Variants in LYST observed in about 807,000 individuals in gnomAD.
LYST encodes lysosomal trafficking regulator.
In LYST, 192 loss-of-function variants were observed where a neutral mutation model predicts 413.6. The observed-to-expected ratio is 0.46, with a 90% CI of 0.41 to 0.52. LYST has a LOEUF of 0.52. Ranked by LOEUF, LYST falls within the 20% of genes least tolerant of loss-of-function variation. The pLI is 0.00. For synonymous variants in LYST, 1,525 were observed against 1,567.3 expected (o/e 0.97, Z 0.64); for missense variants, 3,815 against 4,499.9 (o/e 0.85, Z 4.35).
At chr1:235,833,697 T>C (rs549789731) in intron 1 of LYST, 30 bp from the exon 2 acceptor site, 1 of 451,996 alleles carries the variant, frequency 2.2e-6, no homozygotes, top group African/African-American at 2.1e-5. Context: ...TTAATCACAA[T>C]AGTAAACCAC....
chr1:235,692,308 G>T (rs1660723334), intron 47 of LYST, among the ~76,000 whole-genome samples: 1 of 151,820 alleles, frequency 6.6e-6, no homozygotes, highest in Admixed American at 6.5e-5. Flanking sequence ...ACTCCAGCCT[G>T]GGCGATGGAG....
intron 50 of LYST, among the ~76,000 whole-genome samples, chr1:235,673,245 T>A (rs1659098142): frequency 6.6e-6 from 1 of 152,066 alleles, no homozygotes. Flanking sequence ...CTCTTTCCCT[T>A]AACCACCCCC....
chr1:235,828,501 T>C (rs1259189505), intron 3 of LYST, among the ~76,000 whole-genome samples: 3 of 152,192 alleles, frequency 2.0e-5, no homozygotes, highest in African/African-American at 4.8e-5. Flanking sequence ...TTGGGATCTA[T>C]AGATTTGGAG....
intron 3 of LYST, among the ~76,000 whole-genome samples, chr1:235,822,008 G>A (rs955258245): frequency 1.3e-5 from 2 of 152,214 alleles, no homozygotes; most frequent in Non-Finnish European, 2.9e-5. Flanking sequence ...TATTATAGAT[G>A]TGGCTTTTGA....
intron 24 of LYST, among the ~76,000 whole-genome samples, chr1:235,755,872 T>A (rs1487895384): frequency 2.0e-5 from 3 of 152,142 alleles, no homozygotes; most frequent in African/African-American, 7.2e-5. Flanking sequence ...GTTTCTCTCA[T>A]GGGGAAACTG....
At chr1:235,788,919 A>C (rs186924894) in intron 12 of LYST, 74 bp from the exon 13 acceptor site, 9 of 1,399,346 alleles carry the variant, frequency 6.4e-6, no homozygotes. Context: ...ATTTAGAAGA[A>C]TACAAAGCAA....
chr1:235,663,140 G>A, intron 52 of LYST, 62 bp from the exon 53 acceptor site: 2 of 1,153,176 alleles, frequency 1.7e-6, no homozygotes, highest in South Asian at 2.5e-5. Context: ...TTAGCATATT[G>A]GTCATCATAC....
At chr1:235,788,624 A>G in intron 13 of LYST, 77 bp downstream of exon 13, 1 of 1,391,684 alleles carries the variant, frequency 7.2e-7, no homozygotes. Context: ...TTTTATTAGT[A>G]GATTTCACAT....
rs551872884 is a variant in LYST at position 235,663,484 on chromosome 1, G to A, written c.11268-406C>T. ...GGCTATATATTATTTCCCTAAAAGA[G>A]AAAAGGAAAAAAATGTAACATTAGT... On this transcript the variant is annotated intron_variant, in intron 52 of 52. Transcript: ENST00000389793. Among the ~76,000 whole-genome samples the A allele has an allele frequency of 1.3e-3, 192 of 151,882 alleles. No individual in the cohort carries two copies. The Middle Eastern group carries it at 0.017, about 13-fold the overall frequency.
intron 30 of LYST, among the ~76,000 whole-genome samples, chr1:235,742,570 T>TTTTA (rs150742196): frequency 8.8e-5 from 13 of 146,902 alleles, no homozygotes; most frequent in African/African-American, 2.2e-4. Flanking sequence ...AAATTTTATG[T>TTTTA]TATATATATA....
chr1:235,691,964 C>A (rs1348018350), intron 47 of LYST, among the ~76,000 whole-genome samples: 1 of 150,650 alleles, frequency 6.6e-6, no homozygotes, highest in Non-Finnish European at 1.5e-5. Flanking sequence ...TCCCAAAGTG[C>A]TAGGATTACA....
At chr1:235,734,745 A>C in intron 31 of LYST, 86 bp from the exon 32 acceptor site, 1 of 876,156 alleles carries the variant, frequency 1.1e-6, no homozygotes, top group Non-Finnish European at 1.8e-6. Context: ...TTATATTGCT[A>C]GATTTATTTG....
At position 235,664,141 on chromosome 1, in the gene LYST, C is replaced by A; in HGVS notation, c.11196-86G>T. The A allele has an allele frequency of 2.7e-6, 3 of 1,091,596 alleles. No homozygotes were observed. In the South Asian group the frequency reaches 3.8e-5, roughly 14 times the overall value. The allele number at this position is 1,091,596 out of a possible 1,614,324, so 67.6% of individuals were successfully genotyped here. A position where few individuals can be genotyped will look rare whatever the true frequency, so the allele number is the denominator to read the frequency against. On this transcript the variant is annotated intron_variant, in intron 51 of 52. Transcript: ENST00000389793. This position sits in a 1 kb window ranked among gnomAD's most constrained non-coding sequence, Gnocchi z 4.5. The stretch of plus-strand genomic sequence containing the variant: ...CTATATTTGTTTATTTGTTAAAAAT[C>A]ATGTGGAAGGAAATGTAACAAACAA...
intron 47 of LYST, among the ~76,000 whole-genome samples, chr1:235,692,838 T>C (rs567857449): frequency 4.3e-4 from 64 of 147,844 alleles, no homozygotes; most frequent in Middle Eastern, 3.8e-3. Flanking sequence ...CTGGGCAACA[T>C]GGAGAAACCC....
In LYST at chr1:235,772,076, T is replaced by A. The variant is rs373031280; in HGVS notation, c.5784+1766A>T. The stretch of plus-strand genomic sequence containing the variant: ...CATCTCTACAAAAAAAAATTAAAAA[T>A]TATCCAAGCATGGTGGTGCACACAT... On this transcript the variant is annotated intron_variant, in intron 19 of 52. Transcript: ENST00000389793. Among the ~76,000 whole-genome samples the A allele has an allele frequency of 1.3e-4, 20 of 151,812 alleles. No individual in the cohort carries two copies. The East Asian group carries it at 2.1e-3, about 16-fold the overall frequency.
intron 17 of LYST, among the ~76,000 whole-genome samples, chr1:235,776,085 T>A (rs1669200466): frequency 6.6e-6 from 1 of 152,138 alleles, no homozygotes; most frequent in African/African-American, 2.4e-5. Flanking sequence ...AACAAGGATA[T>A]ACATTTTGAA....
intron 34 of LYST, 123 bp downstream of exon 34, chr1:235,733,380 T>G: frequency 1.2e-6 from 1 of 845,416 alleles, no homozygotes; most frequent in Non-Finnish European, 1.9e-6. Context: ...TCACAAATGA[T>G]TAAACAAAAA....
At chr1:235,757,725 T>G in intron 23 of LYST, among the ~76,000 whole-genome samples, 1 of 152,212 alleles carries the variant, frequency 6.6e-6, no homozygotes, top group East Asian at 1.9e-4. Context: ...GCTATTTATT[T>G]AAACTAAAAA....
At chr1:235,811,764 G>A (rs1386394270) in intron 4 of LYST, among the ~76,000 whole-genome samples, 1 of 152,038 alleles carries the variant, frequency 6.6e-6, no homozygotes, top group Non-Finnish European at 1.5e-5. Flanking sequence ...GAAATTAAAA[G>A]GAGTCTGACA....
Sources: allele counts gnomAD v4.1 joint callset (sites outside exome capture counted in the v4.1 genomes callset), GRCh38; gene constraint gnomAD v4.1.1; non-coding constraint Gnocchi (gnomAD v3.1); transcripts MANE v1.5; gene names NCBI Gene and HGNC (gene_info 2026-07-23, HGNC 2026-07-21).